NEBL: variants seen among roughly 807,000 people sequenced by gnomAD.
NEBL encodes LIM and SH3 protein 2.
In NEBL, 122 loss-of-function variants were observed where a neutral mutation model predicts 140.2. That is an observed-to-expected ratio of 0.87 (90% CI 0.75 to 1.01). NEBL has a LOEUF of 1.01. Among genes scored for constraint, NEBL ranks in the 50% least tolerant of loss-of-function variants. The pLI, the probability that NEBL is intolerant of heterozygous loss-of-function variation, is 0.00. For missense variants in NEBL, 1,365 were observed against 1,231.3 expected, an observed-to-expected ratio of 1.11 and a Z score of -1.62; for synonymous variants, 436 against 398.9, an observed-to-expected ratio of 1.09 and a Z score of -1.11.
At chr10:21,191,775 C>T (rs149049205) in intron 3 of NEBL, among the ~76,000 whole-genome samples, 2 of 152,278 alleles carry the variant, frequency 1.3e-5, no homozygotes, top group African/African-American at 4.8e-5. Flanking sequence ...CAAATCTCAT[C>T]AATTTCAGAA....
chr10:20,909,643 T>C (rs983586391), intron 4 of NEBL, among the ~76,000 whole-genome samples: 4 of 152,194 alleles, frequency 2.6e-5, no homozygotes, highest in African/African-American at 9.6e-5. Flanking sequence ...AGTATTATAG[T>C]AGTGACTTTT....
intron 4 of NEBL, among the ~76,000 whole-genome samples, chr10:20,925,680 A>G (rs986720032): frequency 6.6e-6 from 1 of 150,858 alleles, no homozygotes; most frequent in Non-Finnish European, 1.5e-5. Flanking sequence ...ACTAAGTTGA[A>G]CTCATTATTG....
intron 19 of NEBL, among the ~76,000 whole-genome samples, chr10:20,822,822 C>A (rs1315516469): frequency 6.6e-6 from 1 of 152,058 alleles, no homozygotes; most frequent in Non-Finnish European, 1.5e-5. Flanking sequence ...GGTACAAGAA[C>A]AGTTGTGTTA....
At chr10:21,243,232 T>A (rs1204256473) in intron 3 of NEBL, among the ~76,000 whole-genome samples, 4 of 151,782 alleles carry the variant, frequency 2.6e-5, no homozygotes, top group Non-Finnish European at 5.9e-5. Flanking sequence ...GGACATCTTG[T>A]CAACCCGCAG....
intron 4 of NEBL, among the ~76,000 whole-genome samples, chr10:20,946,779 G>A (rs914664323): frequency 6.6e-6 from 1 of 152,178 alleles, no homozygotes; most frequent in Non-Finnish European, 1.5e-5. Flanking sequence ...ATCTAAAAGT[G>A]GGGTAGAGTC....
At chr10:21,166,219 CA>C (rs1170225891) in intron 2 of NEBL, among the ~76,000 whole-genome samples, 42 of 35,396 alleles carry the variant, frequency 1.2e-3, no homozygotes, top group Non-Finnish European at 1.5e-3. Context: ...GACTGTGTCT[CA>C]AAAAAAAAAA....
chr10:21,089,482 C>T (rs1022687382), intron 2 of NEBL, among the ~76,000 whole-genome samples: 1 of 151,970 alleles, frequency 6.6e-6, no homozygotes, highest in African/African-American at 2.4e-5. Context: ...AGCAAGAGCA[C>T]GTAGCCAAAG....
chr10:20,969,699 C>T (rs772157375), intron 3 of NEBL, among the ~76,000 whole-genome samples: 2 of 151,808 alleles, frequency 1.3e-5, no homozygotes, highest in African/African-American at 4.8e-5. Context: ...GCGTACACCA[C>T]CACACTGAGC....
At chr10:20,814,639 C>CACACACACA (rs905894451) in intron 22 of NEBL, among the ~76,000 whole-genome samples, 4 of 151,598 alleles carry the variant, frequency 2.6e-5, no homozygotes, top group Non-Finnish European at 4.4e-5. Context: ...CACACACACA[C>CACACACACA]AACTGGTTAT....
At chr10:20,894,209 C>T (rs1847252822) in intron 2 of NEBL, among the ~76,000 whole-genome samples, 1 of 152,230 alleles carries the variant, frequency 6.6e-6, no homozygotes, top group East Asian at 1.9e-4. Flanking sequence ...GTGGCTCACA[C>T]CTGTAATCCC....
intron 3 of NEBL, among the ~76,000 whole-genome samples, chr10:21,009,095 A>T (rs896307687): frequency 6.6e-6 from 1 of 152,170 alleles, no homozygotes; most frequent in African/African-American, 2.4e-5. Flanking sequence ...TCTCTGTCCA[A>T]TAGCAGAAAT....
chr10:21,120,393 C>T (rs10828191), intron 2 of NEBL, among the ~76,000 whole-genome samples: 5,166 of 55,062 alleles, frequency 0.094, 191 homozygotes, highest in African/African-American at 0.21. Flanking sequence ...AAAAAAAATA[C>T]ATATATATAT....
intron 2 of NEBL, among the ~76,000 whole-genome samples, chr10:21,149,218 G>A (rs1589285986): frequency 6.6e-6 from 1 of 152,210 alleles, no homozygotes; most frequent in African/African-American, 2.4e-5. Flanking sequence ...GGGTGCAGCA[G>A]GGGAGGGCAG....
chr10:21,041,901 G>T (rs1834284468), intron 2 of NEBL, among the ~76,000 whole-genome samples: 1 of 152,124 alleles, frequency 6.6e-6, no homozygotes, highest in Non-Finnish European at 1.5e-5. Flanking sequence ...AACTGTCATG[G>T]TGCTGGTGGG....
At chr10:20,796,555 G>GA (rs1836566877) in intron 26 of NEBL, among the ~76,000 whole-genome samples, 1 of 151,836 alleles carries the variant, frequency 6.6e-6, no homozygotes, top group South Asian at 2.1e-4. Flanking sequence ...TTTTTCTCTA[G>GA]AAAAAATTAG....
At chr10:21,219,653 T>C (rs951905423) in intron 3 of NEBL, among the ~76,000 whole-genome samples, 1 of 152,210 alleles carries the variant, frequency 6.6e-6, no homozygotes, top group African/African-American at 2.4e-5. Context: ...AGAGATTGCA[T>C]TGAATCTATA....
At chr10:21,011,930 A>G (rs139189309) in intron 3 of NEBL, among the ~76,000 whole-genome samples, 2,138 of 152,238 alleles carry the variant, frequency 0.014, 28 homozygotes, top group Non-Finnish European at 0.018. Flanking sequence ...CTTCCACACT[A>G]TGGGAGAGAC....
At position 20,868,720 on chromosome 10, in the gene NEBL, C is replaced by T; in HGVS notation, c.628G>A (p.Val210Ile). Residue 210 changes from valine to isoleucine, a missense_variant, in exon 7 of 28, where the codon GTA becomes ATA. By Grantham distance (29) the Val-to-Ile change is conservative (BLOSUM62 3). Coordinates refer to ENST00000377122, the MANE Select transcript of NEBL (RefSeq NM_006393.3). The stretch of plus-strand genomic sequence containing the variant: ...TGTTCAAAATCTGGTCTTCCAATTA[C>T]AGCGGGCTCTTTATTCATTATTCCT... The part of the protein sequence containing the change: ...GQGIMNKEPA[V>I]IGRPDFEHAV... 6.2e-7 allele frequency: 1 copy of T among 1,612,918 alleles called. No individual in the cohort carries two copies.
At chr10:21,226,297 G>A (rs1842147743) in intron 3 of NEBL, among the ~76,000 whole-genome samples, 1 of 151,694 alleles carries the variant, frequency 6.6e-6, no homozygotes, top group African/African-American at 2.4e-5. Context: ...TCCTCAAGCA[G>A]AAGGAAGGAT....
Sources: gnomAD v4.1 joint callset for allele counts (sites outside exome capture counted in the v4.1 genomes callset) on GRCh38, gnomAD v4.1.1 for gene constraint, MANE v1.5 for transcripts, NCBI Gene and HGNC (gene_info 2026-07-23, HGNC 2026-07-21) for gene names.